RAP1A: variants seen among roughly 807,000 people sequenced by gnomAD.
RAP1A encodes ras-related protein Rap-1A.
Under a neutral mutation model 26.4 loss-of-function variants are expected in RAP1A, and 6 were observed. The observed-to-expected ratio is 0.23, with a 90% CI of 0.12 to 0.45. The LOEUF is 0.45. Among genes scored for constraint, RAP1A ranks in the 20% least tolerant of loss-of-function variants. RAP1A has a pLI of 0.99. For missense variants in RAP1A, 121 were observed against 217.2 expected, an observed-to-expected ratio of 0.56 and a Z score of 2.78; for synonymous variants, 73 against 79.4, an observed-to-expected ratio of 0.92 and a Z score of 0.43.
intron 4 of RAP1A, among the ~76,000 whole-genome samples, chr1:111,700,065 C>G (rs1336412143): frequency 6.6e-6 from 1 of 152,166 alleles, no homozygotes; most frequent in Non-Finnish European, 1.5e-5. Flanking sequence ...CCTAATTCCT[C>G]TTTATCTCCC....
In RAP1A at chr1:111,646,031, T is replaced by A. The variant is rs570894593; in HGVS notation, c.-28+26097T>A. Among the ~76,000 whole-genome samples, 81 of 152,320 alleles carry A rather than the reference T, an allele frequency of 5.3e-4. 1 individual carries two copies. The highest frequency in any genetic ancestry group is 9.6e-4 in the East Asian group (5 of 5,188). Reference sequence around the variant, plus strand: ...TATCAGGTGCTGAAAAAAAGATAATTAATTTAGATATTTACCAGGAATTCT... The same window carrying A: ...TATCAGGTGCTGAAAAAAAGATAATAAATTTAGATATTTACCAGGAATTCT... On this transcript the variant is annotated intron_variant, in intron 1 of 7. Coordinates refer to ENST00000369709, the MANE Select transcript of RAP1A (RefSeq NM_002884.4).
chr1:111,646,521 T>C (rs746845395), intron 1 of RAP1A, among the ~76,000 whole-genome samples: 15 of 152,048 alleles, frequency 9.9e-5, no homozygotes, highest in Non-Finnish European at 1.9e-4. Context: ...AATGCATCCA[T>C]TGGAGTAGAA....
chr1:111,616,196 A>C (rs1659010777), upstream of RAP1A, among the ~76,000 whole-genome samples: 1 of 152,226 alleles, frequency 6.6e-6, no homozygotes, highest in Non-Finnish European at 1.5e-5. Context: ...GTGAAAGGAA[A>C]GGGCAGGGAA....
intron 1 of RAP1A, among the ~76,000 whole-genome samples, chr1:111,580,794 C>G (rs1428504255): frequency 4.0e-5 from 6 of 151,884 alleles, no homozygotes; most frequent in Non-Finnish European, 8.8e-5. Flanking sequence ...TTGTAATGAG[C>G]CGAGATCGTG....
chr1:111,573,796 T>A (rs1484164373), intron 1 of RAP1A, among the ~76,000 whole-genome samples: 1 of 152,182 alleles, frequency 6.6e-6, no homozygotes, highest in Non-Finnish European at 1.5e-5. Flanking sequence ...CTTTGCCCAT[T>A]TTTTAATGGT....
At chr1:111,625,076 T>C (rs938296365) in intron 1 of RAP1A, among the ~76,000 whole-genome samples, 2 of 152,244 alleles carry the variant, frequency 1.3e-5, no homozygotes, top group Non-Finnish European at 2.9e-5. Context: ...TGTCCGAATG[T>C]ATTTAAATTA....
At chr1:111,589,158 T>A (rs1468787420) in intron 1 of RAP1A, among the ~76,000 whole-genome samples, 3 of 152,242 alleles carry the variant, frequency 2.0e-5, no homozygotes, top group Non-Finnish European at 4.4e-5. Context: ...TTATTAGTTT[T>A]AGCATCTGGA....
chr1:111,662,388 C>A (rs887979040), intron 1 of RAP1A, among the ~76,000 whole-genome samples: 1 of 105,788 alleles, frequency 9.5e-6, no homozygotes, highest in African/African-American at 3.8e-5. Context: ...GAGCGAGACT[C>A]CATCTCAAAA....
intron 1 of RAP1A, among the ~76,000 whole-genome samples, chr1:111,624,812 A>C (rs1659343286): frequency 6.6e-6 from 1 of 152,242 alleles, no homozygotes; most frequent in East Asian, 1.9e-4. Context: ...TGATATACGC[A>C]TGGAAAATTA....
At chr1:111,653,555 A>G (rs1265613271) in intron 1 of RAP1A, among the ~76,000 whole-genome samples, 1 of 152,004 alleles carries the variant, frequency 6.6e-6, no homozygotes, top group African/African-American at 2.4e-5. Context: ...GTGGTGGCAC[A>G]TGCCTGTAAT....
chr1:111,662,555 A>T (rs1392483148), intron 1 of RAP1A, among the ~76,000 whole-genome samples: 1 of 152,116 alleles, frequency 6.6e-6, no homozygotes, highest in African/African-American at 2.4e-5. Context: ...ACTTACGAGG[A>T]TAGGAAACTC....
At chr1:111,585,553 ATCTTT>A (rs1209562618) in intron 1 of RAP1A, among the ~76,000 whole-genome samples, 2 of 151,904 alleles carry the variant, frequency 1.3e-5, no homozygotes, top group Non-Finnish European at 2.9e-5. Flanking sequence ...TGTAATTTTT[ATCTTT>A]TCTTACTCCT....
chr1:111,551,467 T>G (rs1657256228), intron 1 of RAP1A, among the ~76,000 whole-genome samples: 1 of 152,222 alleles, frequency 6.6e-6, no homozygotes, highest in Non-Finnish European at 1.5e-5. Flanking sequence ...TTTATAACAA[T>G]GTAATTAGGA....
chr1:111,653,845 G>A (rs1053936436), intron 1 of RAP1A, among the ~76,000 whole-genome samples: 2 of 152,138 alleles, frequency 1.3e-5, no homozygotes, highest in Non-Finnish European at 2.9e-5. Flanking sequence ...ACAACTCTGA[G>A]GTTGGGGCTT....
intron 1 of RAP1A, chr1:111,564,083 A>G (rs1657855967): frequency 6.2e-6 from 4 of 647,568 alleles, no homozygotes; most frequent in Non-Finnish European, 5.5e-6. Flanking sequence ...ACATACTCAT[A>G]AAGCCTTAAG....
chr1:111,598,679 A>G (rs1658605218), intron 1 of RAP1A, among the ~76,000 whole-genome samples: 1 of 152,128 alleles, frequency 6.6e-6, no homozygotes, highest in African/African-American at 2.4e-5. Context: ...CTGTGTGACC[A>G]CAGAAGTCTT....
At chr1:111,658,677 A>G (rs1488233635) in intron 1 of RAP1A, among the ~76,000 whole-genome samples, 2 of 152,196 alleles carry the variant, frequency 1.3e-5, no homozygotes, top group Non-Finnish European at 2.9e-5. Context: ...GACCACCATC[A>G]CATATGCGGT....
intron 1 of RAP1A, among the ~76,000 whole-genome samples, chr1:111,548,993 C>T (rs1454602742): frequency 1.3e-5 from 2 of 152,140 alleles, no homozygotes; most frequent in African/African-American, 4.8e-5. Context: ...AATTGAAATC[C>T]ATGCATTCTC....
chr1:111,558,570 G>T (rs1329260727), intron 1 of RAP1A, among the ~76,000 whole-genome samples: 1 of 152,146 alleles, frequency 6.6e-6, no homozygotes, highest in African/African-American at 2.4e-5. Context: ...ACAAAGAAAG[G>T]TTGAAACTTA....
Sources: gnomAD v4.1 joint callset for allele counts (sites outside exome capture counted in the v4.1 genomes callset) on GRCh38, gnomAD v4.1.1 for gene constraint, MANE v1.5 for transcripts, NCBI Gene and HGNC (gene_info 2026-07-23, HGNC 2026-07-21) for gene names.